The following UBE2Q2 variants were observed in gnomAD, a reference collection of about 807,000 sequenced individuals.
The protein encoded by UBE2Q2 is ubiquitin conjugating enzyme E2 Q2.
Under a neutral mutation model 59.9 loss-of-function variants are expected in UBE2Q2, and 54 were observed. That is an observed-to-expected ratio of 0.90 (90% CI 0.72 to 1.13). UBE2Q2 has a LOEUF of 1.13. Among genes scored for constraint, UBE2Q2 ranks in the 50% most tolerant of loss-of-function variants. The probability of loss-of-function intolerance (pLI) is 0.00; values close to 1 mark genes in which losing one functional copy is unlikely to be tolerated. For synonymous variants in UBE2Q2, 165 were observed against 155.2 expected, an observed-to-expected ratio of 1.06 and a Z score of -0.47; for missense variants, 433 against 441.9, an observed-to-expected ratio of 0.98 and a Z score of 0.18.
chr15:75,895,615 A>G (rs1408085150), intron 11 of UBE2Q2, among the ~76,000 whole-genome samples: 1 of 152,202 alleles, frequency 6.6e-6, no homozygotes, highest in African/African-American at 2.4e-5. Flanking sequence ...GTTTACAGAA[A>G]TAGAAATAAA....
chr15:75,867,854 T>C (rs1897584923), intron 3 of UBE2Q2, among the ~76,000 whole-genome samples: 1 of 152,164 alleles, frequency 6.6e-6, no homozygotes, highest in Admixed American at 6.5e-5. Context: ...AGTCTTTAGA[T>C]ACCCAGAATA....
In UBE2Q2 at chr15:75,877,978, C is replaced by G. The variant is rs541229832; in HGVS notation, c.691C>G (p.Leu231Val). The change falls in exon 7 of 13, where the codon CTC (leucine) becomes GTC (valine). Residue 231 changes from leucine to valine, a missense_variant. By Grantham distance (32) the Leu-to-Val change is conservative (BLOSUM62 1). Transcript: ENST00000267938. ...SYKTGIYSVE[L>V]INDSLYDWHV... ...CTTAACAGGGATTTATTCAGTGGAA[C>G]TCATAAATGACAGTTTATATGACTG... 5 of 1,613,416 alleles carry G rather than the reference C, an allele frequency of 3.1e-6. No homozygotes were observed. The highest frequency in any genetic ancestry group is 4.2e-6 in the Non-Finnish European group (5 of 1,179,636).
Position 75,890,446 on chromosome 15 carries a change from G to C in UBE2Q2, c.896G>C (p.Gly299Ala). Residue 299 changes from glycine to alanine, a missense_variant, in exon 10 of 13, where the codon GGT (glycine) becomes GCT (alanine). Coordinates refer to ENST00000267938, the MANE Select transcript of UBE2Q2 (RefSeq NM_173469.4). ...LPVLSGGYVL[G>A]GGALCMELLT... is the part of the protein sequence containing the mutation. ...TTTTTCTTTTTAAGGTATGTATTGG[G>C]TGGAGGAGCATTATGTATGGAACTT... The C allele has an allele frequency of 1.2e-6, 2 of 1,605,926 alleles. No individual in the cohort carries two copies. Among genetic ancestry groups the C allele is most frequent in the Non-Finnish European group, 1.7e-6 (2 of 1,178,176 alleles).
At chr15:75,850,355 T>G (rs889986190) in intron 1 of UBE2Q2, among the ~76,000 whole-genome samples, 4 of 152,236 alleles carry the variant, frequency 2.6e-5, no homozygotes, top group African/African-American at 9.6e-5. Context: ...AAAATCAGAT[T>G]TTTTTGTAAT....
At chr15:75,878,080 T>C (rs1415107890) in intron 7 of UBE2Q2, 59 bp downstream of exon 7, 4 of 1,453,428 alleles carry the variant, frequency 2.8e-6, no homozygotes, top group Non-Finnish European at 3.8e-6. Context: ...ACAGTGGAGG[T>C]TATTTTCCTT....
At chr15:75,844,939 A>T (rs1896254437) in intron 1 of UBE2Q2, among the ~76,000 whole-genome samples, 1 of 151,942 alleles carries the variant, frequency 6.6e-6, no homozygotes, top group Non-Finnish European at 1.5e-5. Context: ...TGGTTACCAG[A>T]CTATCTGGGC....
chr15:75,844,463 G>GCA lies in UBE2Q2; in HGVS notation c.180+618_180+619dup, dbSNP rs1567010815. On this transcript the variant is annotated intron_variant, in intron 1 of 12. Transcript: ENST00000267938. ...GCGCGCTGCTGTGTTCTGGAAAGGA[G>GCA]CATAGTACCGTCGTTGCGGCAGGTG... 5 of 1,551,586 alleles carry GCA rather than the reference G, an allele frequency of 3.2e-6. No individual in the cohort carries two copies. In the South Asian group the frequency reaches 5.9e-5, roughly 18 times the overall value.
At chr15:75,886,375 C>G (rs111958942) in intron 9 of UBE2Q2, among the ~76,000 whole-genome samples, 1 of 152,052 alleles carries the variant, frequency 6.6e-6, no homozygotes, top group African/African-American at 2.4e-5. Flanking sequence ...CCACCTGGGC[C>G]TCCCAAAGTG....
intron 3 of UBE2Q2, among the ~76,000 whole-genome samples, chr15:75,862,298 T>C (rs1183416293): frequency 2.0e-5 from 3 of 152,208 alleles, no homozygotes; most frequent in East Asian, 1.9e-4. Flanking sequence ...TTTATTCATA[T>C]TCTATTTTTG....
At chr15:75,875,380 TATG>T (rs1356529786) in intron 5 of UBE2Q2, among the ~76,000 whole-genome samples, 1 of 152,222 alleles carries the variant, frequency 6.6e-6, no homozygotes, top group Non-Finnish European at 1.5e-5. Context: ...TATTTAGTCT[TATG>T]ATAAGATATT....
intron 3 of UBE2Q2, among the ~76,000 whole-genome samples, chr15:75,863,261 TTAAC>T (rs1463694706): frequency 1.3e-5 from 2 of 152,310 alleles, no homozygotes; most frequent in East Asian, 3.9e-4. Context: ...GCTCCATTAA[TTAAC>T]TATTTTCCAT....
At chr15:75,890,572 C>A in intron 10 of UBE2Q2, 89 bp downstream of exon 10, 1 of 1,109,596 alleles carries the variant, frequency 9.0e-7, no homozygotes, top group Non-Finnish European at 1.3e-6. Context: ...TCTTTAATAG[C>A]TCCTACTCTT....
intron 5 of UBE2Q2, among the ~76,000 whole-genome samples, 181 bp from the exon 6 acceptor site, chr15:75,876,006 A>G (rs1898055562): frequency 6.8e-6 from 1 of 147,728 alleles, no homozygotes; most frequent in Admixed American, 6.9e-5. Context: ...CGGAGGTTGC[A>G]GTGAACTGAG....
chr15:75,878,884 A>G (rs2141635077), intron 7 of UBE2Q2, among the ~76,000 whole-genome samples: 1 of 152,192 alleles, frequency 6.6e-6, no homozygotes, highest in African/African-American at 2.4e-5. Flanking sequence ...GATTTAGAGT[A>G]TTATGGTCTC....
chr15:75,897,621 T>A (rs1595903788), intron 12 of UBE2Q2, among the ~76,000 whole-genome samples: 2 of 151,840 alleles, frequency 1.3e-5, no homozygotes, highest in East Asian at 1.9e-4. Flanking sequence ...TTTAGTAGAT[T>A]AATGAATGAC....
intron 4 of UBE2Q2, among the ~76,000 whole-genome samples, chr15:75,869,771 T>C (rs1374531590): frequency 6.6e-6 from 1 of 152,172 alleles, no homozygotes; most frequent in Non-Finnish European, 1.5e-5. Flanking sequence ...ATTTAAATCA[T>C]AGCAAATTTA....
At chr15:75,883,880 A>G (rs1898603048) in intron 9 of UBE2Q2, among the ~76,000 whole-genome samples, 2 of 152,146 alleles carry the variant, frequency 1.3e-5, no homozygotes, top group African/African-American at 4.8e-5. Flanking sequence ...ATATACGCAC[A>G]TACTTTTTAC....
At position 75,844,188 on chromosome 15, in the gene UBE2Q2, C is replaced by CCGGGG. The variant is rs534143228; in HGVS notation, c.180+361_180+365dup. 5.1e-4 allele frequency: 744 copies of CCGGGG among 1,445,772 alleles called. 5 individuals carry two copies. The highest frequency in any genetic ancestry group is 4.7e-3 in the South Asian group (333 of 70,442). The allele number at this position is 1,445,772 out of a possible 1,614,324, so 89.6% of individuals were successfully genotyped here. A position where few individuals can be genotyped will look rare whatever the true frequency, so the allele number is the denominator to read the frequency against. ...GCCCTCAGCCGGCCTGCTCCCGGGA[C>CCGGGG]CGGGGCGGGGCGGGGCGGGGCGGCG... On this transcript the variant is annotated intron_variant, in intron 1 of 12. Coordinates refer to ENST00000267938, the MANE Select transcript of UBE2Q2 (RefSeq NM_173469.4).
Position 75,843,721 on chromosome 15 carries a change from A to T in UBE2Q2, c.55A>T (p.Lys19Ter). 1 of 1,611,492 alleles carries T rather than the reference A, an allele frequency of 6.2e-7. No homozygotes were observed. Among genetic ancestry groups the T allele is most frequent in the Non-Finnish European group, 8.5e-7 (1 of 1,179,024 alleles). The change falls in exon 1 of 13, where the codon AAG becomes TAG. Residue 19 changes from lysine to a stop codon, truncating the protein, a stop_gained. Coordinates refer to ENST00000267938, the MANE Select transcript of UBE2Q2 (RefSeq NM_173469.4). LOFTEE classifies it high-confidence loss of function. ...GAAGTTCCTGGCGTCCATCTTCGAC[A>T]AGAACCACGAGCGATTCCGCATCGT... ...ELKFLASIFD[K>*]NHERFRIVSW...
Sources: gnomAD v4.1 joint callset for allele counts (sites outside exome capture counted in the v4.1 genomes callset) on GRCh38, gnomAD v4.1.1 for gene constraint, MANE v1.5 for transcripts, NCBI Gene and HGNC (gene_info 2026-07-23, HGNC 2026-07-21) for gene names.